The following EIF4G3 variants were observed in gnomAD, a reference collection of about 807,000 sequenced individuals.
The protein encoded by EIF4G3 is eukaryotic translation initiation factor 4 gamma 3.
In EIF4G3, 34 loss-of-function variants were observed where a neutral mutation model predicts 186.4. The observed-to-expected ratio is 0.18, with a 90% CI of 0.14 to 0.24. The LOEUF (loss-of-function observed/expected upper bound fraction) is 0.24, where lower values mean the gene tolerates loss of function less well. EIF4G3 is among the 10% of genes least tolerant of loss of function. The pLI is 1.00. For synonymous variants in EIF4G3, 673 were observed against 679.5 expected, an observed-to-expected ratio of 0.99 and a Z score of 0.15; for missense variants, 1,536 against 1,948.5, an observed-to-expected ratio of 0.79 and a Z score of 3.99.
intron 3 of EIF4G3, among the ~76,000 whole-genome samples, chr1:21,074,401 T>C (rs183651491): frequency 1.3e-5 from 2 of 152,304 alleles, no homozygotes; most frequent in East Asian, 3.9e-4. Context: ...AATTCTAAGC[T>C]AAACATTATA....
intron 6 of EIF4G3, among the ~76,000 whole-genome samples, chr1:20,998,501 C>T (rs1341270278): frequency 6.6e-6 from 1 of 152,090 alleles, no homozygotes; most frequent in Non-Finnish European, 1.5e-5. Flanking sequence ...TCATAGAGTA[C>T]TTGAAAGTGG....
intron 16 of EIF4G3, 58 bp from the exon 17 acceptor site, chr1:20,895,559 T>G: frequency 3.2e-6 from 5 of 1,544,648 alleles, no homozygotes; most frequent in Non-Finnish European, 4.4e-6. Flanking sequence ...AGTCATGCAT[T>G]GCATAACGAT....
At chr1:20,886,477 G>T in intron 18 of EIF4G3, 106 bp from the exon 19 acceptor site, 2 of 1,106,848 alleles carry the variant, frequency 1.8e-6, no homozygotes, top group Non-Finnish European at 2.6e-6. Context: ...TAGATGCAAA[G>T]ATTGGGTACT....
At chr1:21,004,497 A>C (rs2084492104) in intron 4 of EIF4G3, among the ~76,000 whole-genome samples, 1 of 152,148 alleles carries the variant, frequency 6.6e-6, no homozygotes, top group African/African-American at 2.4e-5. Flanking sequence ...CAACTCATTT[A>C]TCTTTCCCAC....
intron 19 of EIF4G3, among the ~76,000 whole-genome samples, chr1:20,885,801 TGA>T (rs2083931257): frequency 6.6e-6 from 1 of 152,188 alleles, no homozygotes; most frequent in African/African-American, 2.4e-5. Flanking sequence ...CAAAACAAGA[TGA>T]GTTTCTAAAT....
chr1:21,137,499 C>A (rs2097266585), intron 2 of EIF4G3, among the ~76,000 whole-genome samples: 1 of 151,990 alleles, frequency 6.6e-6, no homozygotes, highest in Non-Finnish European at 1.5e-5. Flanking sequence ...ACATAATGCA[C>A]CTCAGAAGTA....
chr1:21,048,208 A>G (rs148582742), intron 4 of EIF4G3, among the ~76,000 whole-genome samples: 85 of 152,302 alleles, frequency 5.6e-4, no homozygotes, highest in African/African-American at 1.9e-3. Flanking sequence ...CAGAAAACTT[A>G]AGTCCTTTGG....
chr1:21,081,784 G>A (rs1045156713), intron 3 of EIF4G3, among the ~76,000 whole-genome samples: 4 of 151,606 alleles, frequency 2.6e-5, no homozygotes, highest in Non-Finnish European at 4.4e-5. Context: ...TGGGATTACT[G>A]GCTCACGCCA....
chr1:20,978,496 C>G (rs762357879), intron 10 of EIF4G3, among the ~76,000 whole-genome samples: 1 of 152,030 alleles, frequency 6.6e-6, no homozygotes, highest in Non-Finnish European at 1.5e-5. Context: ...AAATACTAAA[C>G]AAAAGATTCC....
rs187345202 is a variant in EIF4G3, at chr1:20,907,081, C to T, written c.1664-2110G>A. ...TTTAAGATACTGTCTTAGATTCGTT[C>T]TTTACTTTCTAGTTCATTGCACAGG... is the stretch of plus-strand genomic sequence containing the variant. On this transcript the variant is annotated intron_variant, in intron 14 of 36. Coordinates refer to ENST00000602326, the MANE Select transcript of EIF4G3 (RefSeq NM_001391906.1). Among the ~76,000 whole-genome samples the T allele has an allele frequency of 4.6e-3, 707 of 152,224 alleles. 4 individuals are homozygous for T. Among genetic ancestry groups the T allele is most frequent in the African/African-American group, 0.016 (644 of 41,526 alleles).
intron 17 of EIF4G3, 77 bp from the exon 18 acceptor site, chr1:20,893,713 C>T: frequency 7.0e-7 from 1 of 1,424,758 alleles, no homozygotes; most frequent in Non-Finnish European, 9.3e-7. Context: ...AAAATTTTTA[C>T]TGAAAAGTTA....
chr1:20,918,822 G>A (rs2094201788), intron 14 of EIF4G3, among the ~76,000 whole-genome samples: 1 of 149,320 alleles, frequency 6.7e-6, no homozygotes, highest in Non-Finnish European at 1.5e-5. Flanking sequence ...TGAGATTATA[G>A]GTCTGAGCCA....
intron 4 of EIF4G3, among the ~76,000 whole-genome samples, chr1:21,045,961 AAAG>A (rs1384568224): frequency 2.0e-5 from 3 of 152,188 alleles, no homozygotes; most frequent in Non-Finnish European, 4.4e-5. Context: ...GCTCATTCAC[AAAG>A]AAGAAAACTG....
intron 14 of EIF4G3, among the ~76,000 whole-genome samples, chr1:20,930,784 T>C (rs1303800068): frequency 6.6e-6 from 1 of 152,232 alleles, no homozygotes; most frequent in African/African-American, 2.4e-5. Flanking sequence ...CCCCTCAAAG[T>C]TGTCCATGAA....
chr1:21,073,421 G>A (rs543830959), intron 3 of EIF4G3, among the ~76,000 whole-genome samples: 14 of 152,268 alleles, frequency 9.2e-5, no homozygotes, highest in Non-Finnish European at 1.8e-4. Flanking sequence ...TGCTCTACTG[G>A]ACAGCACGGT....
chr1:21,062,247 A>G (rs1170791242), intron 3 of EIF4G3, among the ~76,000 whole-genome samples: 1 of 151,804 alleles, frequency 6.6e-6, no homozygotes, highest in Non-Finnish European at 1.5e-5. Flanking sequence ...TTTTGGTGAG[A>G]CAGGGCCTCA....
chr1:20,928,270 G>T (rs896190605), intron 14 of EIF4G3, among the ~76,000 whole-genome samples: 1 of 152,010 alleles, frequency 6.6e-6, no homozygotes, highest in Non-Finnish European at 1.5e-5. Flanking sequence ...ATAATTTTTG[G>T]CTGTACACAA....
chr1:21,006,168 G>A (rs764501475), intron 4 of EIF4G3, among the ~76,000 whole-genome samples: 3 of 152,152 alleles, frequency 2.0e-5, no homozygotes, highest in Non-Finnish European at 2.9e-5. Flanking sequence ...TGTAAGCAGT[G>A]CAACTGTAAA....
In EIF4G3 at chr1:20,982,377, T is replaced by C; in HGVS notation, c.198+11A>G. ...TTATAAAGAGGCCATGCAGAACCAG[T>C]AGTTTGTTACCTGGATAGGTCTGAA... On this transcript the variant is annotated intron_variant, in intron 8 of 36. Transcript: ENST00000602326. The C allele has an allele frequency of 2.6e-6, 4 of 1,522,126 alleles. No homozygotes were observed. Among genetic ancestry groups the C allele is most frequent in the South Asian group, 2.4e-5 (2 of 81,666 alleles). 94.3% of individuals were successfully genotyped at this position (1,522,126 alleles called of 1,614,324 possible).
Sources: gnomAD v4.1 joint callset for allele counts (sites outside exome capture counted in the v4.1 genomes callset) on GRCh38, gnomAD v4.1.1 for gene constraint, MANE v1.5 for transcripts, NCBI Gene and HGNC (gene_info 2026-07-23, HGNC 2026-07-21) for gene names.